Variants in EPB41L4A observed in about 807,000 individuals in gnomAD.
The protein encoded by EPB41L4A is band 4.1-like protein 4A.
In EPB41L4A, 100 loss-of-function variants were observed where a neutral mutation model predicts 108.6. The observed-to-expected ratio is 0.92, with a 90% CI of 0.78 to 1.09. The LOEUF is 1.09. Among genes scored for constraint, EPB41L4A ranks in the 50% least tolerant of loss-of-function variants. The pLI, the probability that EPB41L4A is intolerant of heterozygous loss-of-function variation, is 0.00. For missense variants in EPB41L4A, 1,030 were observed against 842.7 expected, an observed-to-expected ratio of 1.22 and a Z score of -2.75; for synonymous variants, 319 against 289.0, an observed-to-expected ratio of 1.10 and a Z score of -1.05.
intron 1 of EPB41L4A, among the ~76,000 whole-genome samples, chr5:112,370,761 A>G (rs552386537): frequency 5.9e-5 from 9 of 152,280 alleles, no homozygotes; most frequent in African/African-American, 2.2e-4. Flanking sequence ...CTAAAAATAC[A>G]AAAATTAGCC....
chr5:112,210,247 G>T, intron 12 of EPB41L4A: 1 of 270,864 alleles, frequency 3.7e-6, no homozygotes. Context: ...ATCTTTAGAT[G>T]TTAAAATAAC....
intron 4 of EPB41L4A, among the ~76,000 whole-genome samples, chr5:112,273,606 T>C (rs1252345817): frequency 6.6e-6 from 1 of 152,196 alleles, no homozygotes; most frequent in African/African-American, 2.4e-5. Flanking sequence ...ATAAGAGCTT[T>C]ATATATATTA....
chr5:112,273,235 T>G (rs1035333624), intron 4 of EPB41L4A, among the ~76,000 whole-genome samples: 4 of 152,248 alleles, frequency 2.6e-5, no homozygotes, highest in Non-Finnish European at 5.9e-5. Context: ...CAACAAATCA[T>G]GGACACTAAT....
chr5:112,159,675 G>A (rs1021359475), downstream of EPB41L4A, among the ~76,000 whole-genome samples: 2 of 152,096 alleles, frequency 1.3e-5, no homozygotes, highest in East Asian at 1.9e-4. Context: ...ACATCTGCTC[G>A]GAGTTCACTT....
At chr5:112,361,500 C>T (rs1424131559) in intron 1 of EPB41L4A, among the ~76,000 whole-genome samples, 36 of 148,444 alleles carry the variant, frequency 2.4e-4, no homozygotes, top group Middle Eastern at 3.5e-3. Flanking sequence ...CCGAGAAACA[C>T]CCAAGAATGA....
chr5:112,366,723 G>C (rs1759141961), intron 1 of EPB41L4A, among the ~76,000 whole-genome samples: 1 of 152,126 alleles, frequency 6.6e-6, no homozygotes, highest in African/African-American at 2.4e-5. Context: ...TCAAGGCACA[G>C]AGCAGCATGG....
chr5:112,212,075 C>T (rs575327381), intron 12 of EPB41L4A, among the ~76,000 whole-genome samples: 13 of 152,308 alleles, frequency 8.5e-5, no homozygotes, highest in South Asian at 2.1e-4. Context: ...TGCCATCAAA[C>T]GTCAGCAGTG....
rs146352807 is a variant in EPB41L4A at position 112,326,438 on chromosome 5, T to C, written c.100-18948A>G. ...GGCAACAAACCCCCTTAAGGAATTA[T>C]GGGCTAAGCAGTAATTCAAAATAAT... On this transcript the variant is annotated intron_variant, in intron 1 of 22. Transcript: ENST00000261486. Among the ~76,000 whole-genome samples the C allele has an allele frequency of 9.3e-3, 1,414 of 152,202 alleles. 25 individuals carry two copies. The highest frequency in any genetic ancestry group is 0.032 in the African/African-American group (1,350 of 41,546).
intron 18 of EPB41L4A, among the ~76,000 whole-genome samples, chr5:112,173,243 G>A (rs1424550249): frequency 1.3e-5 from 2 of 152,144 alleles, no homozygotes; most frequent in African/African-American, 2.4e-5. Context: ...GACAACTACC[G>A]GAAGTGGTGA....
chr5:112,312,470 T>G (rs1051091223), intron 1 of EPB41L4A, among the ~76,000 whole-genome samples: 8 of 152,192 alleles, frequency 5.3e-5, no homozygotes, highest in Admixed American at 3.9e-4. Flanking sequence ...TGACATCTCG[T>G]GATTCCCTCT....
intron 11 of EPB41L4A, 33 bp from the exon 12 acceptor site, chr5:112,234,788 A>C: frequency 8.2e-6 from 13 of 1,593,906 alleles, no homozygotes; most frequent in Non-Finnish European, 1.1e-5. Flanking sequence ...TAGCAAAGGT[A>C]AAACCACACA....
intron 12 of EPB41L4A, among the ~76,000 whole-genome samples, chr5:112,231,640 C>A (rs1302478942): frequency 6.6e-6 from 1 of 150,738 alleles, no homozygotes; most frequent in Non-Finnish European, 1.5e-5. Context: ...AAAAAAGTAG[C>A]CGGGCGCGGT....
At chr5:112,337,825 G>T (rs1032449313) in intron 1 of EPB41L4A, among the ~76,000 whole-genome samples, 1 of 152,112 alleles carries the variant, frequency 6.6e-6, no homozygotes, top group Non-Finnish European at 1.5e-5. Context: ...GAGTGGTCAG[G>T]GCAGGCTTCT....
At chr5:112,399,578 G>C (rs1761602335) in intron 1 of EPB41L4A, among the ~76,000 whole-genome samples, 1 of 152,100 alleles carries the variant, frequency 6.6e-6, no homozygotes, top group African/African-American at 2.4e-5. Flanking sequence ...CTGAATTCTA[G>C]CTCTCATCAC....
intron 12 of EPB41L4A, among the ~76,000 whole-genome samples, chr5:112,152,737 G>A (rs1376177492): frequency 6.6e-6 from 1 of 152,054 alleles, no homozygotes; most frequent in Non-Finnish European, 1.5e-5. Flanking sequence ...AAAATGGAAA[G>A]TAATAGGAGG....
chr5:112,230,525 T>C (rs1256775384), intron 12 of EPB41L4A, among the ~76,000 whole-genome samples: 1 of 152,214 alleles, frequency 6.6e-6, no homozygotes, highest in Non-Finnish European at 1.5e-5. Flanking sequence ...CATTTGTACA[T>C]CTCCTTTTGA....
chr5:112,196,948 G>C (rs1761992877), intron 15 of EPB41L4A: 1 of 152,178 alleles, frequency 6.6e-6, no homozygotes, highest in African/African-American at 2.4e-5. Flanking sequence ...GCAGCCTCCA[G>C]ATGTAACTCT....
At position 112,419,231 on chromosome 5, in the gene EPB41L4A, CG is replaced by C. The variant is rs943367979; in HGVS notation, c.-193del. The C allele has an allele frequency of 8.8e-6, 4 of 455,182 alleles. No individual in the cohort carries two copies. Among genetic ancestry groups the C allele is most frequent in the African/African-American group, 8.5e-5 (4 of 47,224 alleles). 28.2% of individuals were successfully genotyped at this position (455,182 alleles called of 1,614,324 possible). Reference sequence around the variant, plus strand: ...CGGGAGCGAGAAAGGCGGAAAAGCCCGGGAGAGTCAGCGCCCGGGAGCCGCC... The same window carrying C: ...CGGGAGCGAGAAAGGCGGAAAAGCCCGGAGAGTCAGCGCCCGGGAGCCGCC... On this transcript the variant is annotated 5_prime_UTR_variant, in exon 1 of 23. Transcript: ENST00000261486.
chr5:112,166,031 A>G (rs753434201), intron 22 of EPB41L4A, among the ~76,000 whole-genome samples: 108 of 152,354 alleles, frequency 7.1e-4, no homozygotes, highest in Non-Finnish European at 1.1e-3. Flanking sequence ...AGAGGAGAAT[A>G]CAGCAGAAGA....
Sources: allele counts gnomAD v4.1 joint callset (sites outside exome capture counted in the v4.1 genomes callset), GRCh38; gene constraint gnomAD v4.1.1; transcripts MANE v1.5; gene names NCBI Gene and HGNC (gene_info 2026-07-23, HGNC 2026-07-21).